The following ZMAT4 variants were observed in gnomAD, a reference collection of about 807,000 sequenced individuals.
The protein encoded by ZMAT4 is zinc finger matrin-type protein 4.
ZMAT4 carries 17 observed loss-of-function variants against 28.7 expected under a neutral mutation model. The ratio of observed to expected loss-of-function variants is 0.59; its 90% confidence interval spans 0.41 to 0.89. ZMAT4 has a LOEUF of 0.89. ZMAT4 is among the 40% of genes least tolerant of loss of function. The pLI is 0.00. For synonymous variants in ZMAT4, 117 were observed against 109.2 expected (o/e 1.07, Z -0.44); for missense variants, 240 against 283.8 (o/e 0.85, Z 1.11).
At chr8:40,593,725 T>A (rs1804970483) in intron 5 of ZMAT4, among the ~76,000 whole-genome samples, 1 of 152,210 alleles carries the variant, frequency 6.6e-6, no homozygotes, top group Non-Finnish European at 1.5e-5. Flanking sequence ...AAGATGCTAA[T>A]TGTCAATATC....
intron 4 of ZMAT4, 28 bp from the exon 5 acceptor site, chr8:40,674,959 C>T: frequency 6.3e-7 from 1 of 1,582,664 alleles, no homozygotes. Flanking sequence ...CAGAGAACCA[C>T]AGCCACGTTA....
At chr8:40,844,689 G>GTC (rs1476860711) in intron 1 of ZMAT4, among the ~76,000 whole-genome samples, 45 of 151,542 alleles carry the variant, frequency 3.0e-4, no homozygotes, top group Non-Finnish European at 5.9e-4. Context: ...GTGTGTGTGT[G>GTC]TGTGTGTGTT....
chr8:40,878,829 T>C (rs1485610364), intron 1 of ZMAT4, among the ~76,000 whole-genome samples: 1 of 152,152 alleles, frequency 6.6e-6, no homozygotes, highest in African/African-American at 2.4e-5. Context: ...CTCTGCTGAG[T>C]GTTTTTCCAG....
Position 40,834,645 on chromosome 8 carries a change from C to A in ZMAT4, c.-4-8965G>T, listed in dbSNP as rs139104224. Among the ~76,000 whole-genome samples the A allele has an allele frequency of 3.5e-3, 534 of 152,284 alleles. 5 individuals carry two copies. The highest frequency in any genetic ancestry group is 0.012 in the African/African-American group (505 of 41,576). On this transcript the variant is annotated intron_variant, in intron 1 of 6. Coordinates refer to ENST00000297737, the MANE Select transcript of ZMAT4 (RefSeq NM_024645.3). ...TTCACATTCTGGGATCCAGCACACACCACCCTCCATAAACACAGACAGACT... is the reference window on the plus strand; with the variant it reads ...TTCACATTCTGGGATCCAGCACACAACACCCTCCATAAACACAGACAGACT...
intron 3 of ZMAT4, among the ~76,000 whole-genome samples, chr8:40,763,995 A>AG (rs1813043555): frequency 6.6e-6 from 1 of 152,190 alleles, no homozygotes; most frequent in Non-Finnish European, 1.5e-5. Flanking sequence ...ACACAAAAAA[A>AG]AAACCCAGGT....
At chr8:40,573,655 T>C (rs1031631253) in intron 6 of ZMAT4, among the ~76,000 whole-genome samples, 2 of 152,174 alleles carry the variant, frequency 1.3e-5, no homozygotes, top group South Asian at 4.1e-4. Context: ...CCACTATACA[T>C]ACAAAGTGCT....
intron 5 of ZMAT4, among the ~76,000 whole-genome samples, chr8:40,617,818 C>T (rs1307387011): frequency 6.6e-6 from 1 of 152,110 alleles, no homozygotes; most frequent in African/African-American, 2.4e-5. Context: ...TAAACTGTGC[C>T]CACAGAAACA....
At chr8:40,801,253 C>T (rs542210729) in intron 2 of ZMAT4, among the ~76,000 whole-genome samples, 49 of 149,966 alleles carry the variant, frequency 3.3e-4, no homozygotes, top group Middle Eastern at 3.5e-3. Context: ...AAGCACCAGA[C>T]GTAAATGGGT....
At chr8:40,812,167 C>T (rs1815346325) in intron 2 of ZMAT4, among the ~76,000 whole-genome samples, 2 of 152,038 alleles carry the variant, frequency 1.3e-5, no homozygotes, top group South Asian at 4.2e-4. Context: ...TGCCTACATA[C>T]ACTGTGCCTG....
At chr8:40,611,010 G>A (rs916438949) in intron 5 of ZMAT4, among the ~76,000 whole-genome samples, 1 of 150,498 alleles carries the variant, frequency 6.6e-6, no homozygotes, top group Non-Finnish European at 1.5e-5. Context: ...AAAAAGACCC[G>A]AGTGGCATCT....
At chr8:40,849,884 A>G (rs1252815761) in intron 1 of ZMAT4, among the ~76,000 whole-genome samples, 1 of 152,174 alleles carries the variant, frequency 6.6e-6, no homozygotes, top group Non-Finnish European at 1.5e-5. Context: ...ACCAAATGCC[A>G]TCAGCAAGTG....
chr8:40,756,624 AGTGTGTGTGTGTGT>A (rs58686349), intron 3 of ZMAT4, among the ~76,000 whole-genome samples: 16,172 of 139,226 alleles, frequency 0.12, 1,012 homozygotes, highest in Middle Eastern at 0.16. Flanking sequence ...TATGTTTGTA[AGTGTGTGTGTGTGT>A]GTGTGTGTGT....
At chr8:40,597,547 A>G (rs926890191) in intron 5 of ZMAT4, among the ~76,000 whole-genome samples, 2 of 151,872 alleles carry the variant, frequency 1.3e-5, no homozygotes, top group African/African-American at 4.8e-5. Flanking sequence ...GCAAACCTCA[A>G]CCCCAGGCCC....
At chr8:40,893,911 A>G (rs574673236) in intron 1 of ZMAT4, among the ~76,000 whole-genome samples, 22 of 152,328 alleles carry the variant, frequency 1.4e-4, no homozygotes, top group Non-Finnish European at 2.9e-4. Flanking sequence ...GTGAGAACAT[A>G]CACACATCTT....
intron 6 of ZMAT4, among the ~76,000 whole-genome samples, chr8:40,569,671 T>C (rs770125997): frequency 1.3e-5 from 2 of 152,168 alleles, no homozygotes; most frequent in Non-Finnish European, 2.9e-5. Context: ...ACTTTCTCCC[T>C]GTAAAACCGA....
intron 3 of ZMAT4, among the ~76,000 whole-genome samples, chr8:40,745,153 A>G (rs1812165658): frequency 6.6e-6 from 1 of 152,198 alleles, no homozygotes; most frequent in Non-Finnish European, 1.5e-5. Flanking sequence ...GTGAGCTAGC[A>G]GGTCAAATAT....
At chr8:40,681,451 A>G (rs1809161771) in intron 4 of ZMAT4, among the ~76,000 whole-genome samples, 1 of 152,160 alleles carries the variant, frequency 6.6e-6, no homozygotes, top group African/African-American at 2.4e-5. Context: ...TTTTTTGCAA[A>G]TGCTACCAAC....
chr8:40,630,194 T>A (rs1027536815), intron 5 of ZMAT4, among the ~76,000 whole-genome samples: 1 of 152,224 alleles, frequency 6.6e-6, no homozygotes, highest in Non-Finnish European at 1.5e-5. Flanking sequence ...TTTCTTTTCT[T>A]CTTTAAACAG....
intron 3 of ZMAT4, among the ~76,000 whole-genome samples, chr8:40,700,246 T>TA (rs113188421): frequency 0.16 from 23,611 of 148,072 alleles, 2,653 homozygotes; most frequent in East Asian, 0.37. Context: ...ATTGTAAGAT[T>TA]AAAAAAAAAA....
Sources: gnomAD v4.1 joint callset for allele counts (sites outside exome capture counted in the v4.1 genomes callset) on GRCh38, gnomAD v4.1.1 for gene constraint, MANE v1.5 for transcripts, NCBI Gene and HGNC (gene_info 2026-07-23, HGNC 2026-07-21) for gene names.